ARHGAP28: variants seen among roughly 807,000 people sequenced by gnomAD.
ARHGAP28 encodes the protein Rho GTPase activating protein 28.
In ARHGAP28, 56 loss-of-function variants were observed where a neutral mutation model predicts 90.7. The observed-to-expected ratio is 0.62, with a 90% CI of 0.50 to 0.77. The LOEUF is 0.77. ARHGAP28 is among the 30% of genes least tolerant of loss of function. The probability of loss-of-function intolerance (pLI) is 0.00; values close to 1 mark genes in which losing one functional copy is unlikely to be tolerated. For synonymous variants in ARHGAP28, 308 were observed against 323.3 expected (o/e 0.95, Z 0.51); for missense variants, 869 against 900.9 (o/e 0.96, Z 0.45).
At chr18:6,894,393 C>CT (rs2057289864) in intron 14 of ARHGAP28, among the ~76,000 whole-genome samples, 1 of 152,192 alleles carries the variant, frequency 6.6e-6, no homozygotes, top group Admixed American at 6.5e-5. Context: ...AGTGTATGTT[C>CT]TTTCCCCTTT....
intron 1 of ARHGAP28, among the ~76,000 whole-genome samples, chr18:6,813,625 G>A (rs936847387): frequency 2.6e-5 from 4 of 152,034 alleles, no homozygotes; most frequent in African/African-American, 7.2e-5. Flanking sequence ...GGGACAAAAA[G>A]GATAATCTCT....
rs147242216 is a variant in ARHGAP28 at position 6,854,619 on chromosome 18, G to T, written c.636+3493G>T. Reference sequence around the variant, plus strand: ...CTGGAGCTGCCTCTGTGAAGACGCCGGCTACAGCAAGGGAGGTGCAGCCAG... The same window carrying T: ...CTGGAGCTGCCTCTGTGAAGACGCCTGCTACAGCAAGGGAGGTGCAGCCAG... On this transcript the variant is annotated intron_variant, in intron 4 of 17. Transcript: ENST00000383472. Among the ~76,000 whole-genome samples, 385 of 152,172 alleles carry T rather than the reference G, an allele frequency of 2.5e-3. 1 individual carries two copies. Among genetic ancestry groups the T allele is most frequent in the Non-Finnish European group, 2.5e-3 (167 of 68,002 alleles).
intron 2 of ARHGAP28, among the ~76,000 whole-genome samples, chr18:6,825,226 G>T (rs1245365148): frequency 6.6e-6 from 1 of 152,124 alleles, no homozygotes; most frequent in Non-Finnish European, 1.5e-5. Flanking sequence ...GCTACTTAGG[G>T]ATGCTGTGCC....
At position 6,890,548 on chromosome 18, in the gene ARHGAP28, G is replaced by T; in HGVS notation, c.1848+5G>T. 2 of 1,584,554 alleles carry T rather than the reference G, an allele frequency of 1.3e-6. No homozygotes were observed. The highest frequency in any genetic ancestry group is 1.7e-6 in the Non-Finnish European group (2 of 1,160,558). The stretch of plus-strand genomic sequence containing the variant: ...AGGAAGACCCTCGAGCGGGAGGTAA[G>T]ACAGCAAATGAGGCATGGCGATTGT... On this transcript the variant is annotated splice_donor_5th_base_variant and intron_variant, in intron 14 of 17. Transcript: ENST00000383472.
chr18:6,811,567 G>A (rs914702098), intron 1 of ARHGAP28, among the ~76,000 whole-genome samples: 21 of 152,220 alleles, frequency 1.4e-4, no homozygotes, highest in East Asian at 1.2e-3. Context: ...TTAACTAGTC[G>A]TGTTCACTGT....
At chr18:6,860,015 A>T (rs1309355628) in intron 5 of ARHGAP28, 118 bp downstream of exon 5, 6 of 868,092 alleles carry the variant, frequency 6.9e-6, no homozygotes, top group Non-Finnish European at 1.1e-5. Flanking sequence ...TTGAGCTAAG[A>T]TTGCAAGGAA....
At chr18:6,863,340 GT>G (rs1466508870) in intron 5 of ARHGAP28, among the ~76,000 whole-genome samples, 1 of 151,704 alleles carries the variant, frequency 6.6e-6, no homozygotes, top group Non-Finnish European at 1.5e-5. Flanking sequence ...TGAATGTAAT[GT>G]TTTCCTTCTT....
At position 6,850,806 on chromosome 18, in the gene ARHGAP28, G is replaced by A. The variant is rs1048275709; in HGVS notation, c.544-228G>A. 16 of 1,521,774 alleles carry A rather than the reference G, an allele frequency of 1.1e-5. No individual in the cohort carries two copies. In the Admixed American group the frequency reaches 2.7e-4, roughly 25 times the overall value. 94.3% of individuals were successfully genotyped at this position (1,521,774 alleles called of 1,614,324 possible). ...TGGGTTTTGGCAGGAAGCTAGCAGA[G>A]TTTGCTTCTGAGACGAATTCTGTTA... On this transcript the variant is annotated intron_variant, in intron 3 of 17. Coordinates refer to ENST00000383472, the MANE Select transcript of ARHGAP28 (RefSeq NM_001366230.1).
At chr18:6,819,923 T>C (rs1278147385) in intron 1 of ARHGAP28, among the ~76,000 whole-genome samples, 2 of 152,110 alleles carry the variant, frequency 1.3e-5, no homozygotes, top group African/African-American at 2.4e-5. Context: ...ATCTACCAAA[T>C]AGAGGAAAAG....
chr18:6,798,959 C>A (rs993336422), intron 1 of ARHGAP28, among the ~76,000 whole-genome samples: 1 of 152,176 alleles, frequency 6.6e-6, no homozygotes, highest in African/African-American at 2.4e-5. Context: ...AATCTAATGT[C>A]ATTTCTGATT....
intron 1 of ARHGAP28, among the ~76,000 whole-genome samples, chr18:6,765,811 C>G (rs952645863): frequency 6.6e-6 from 1 of 152,012 alleles, no homozygotes. Flanking sequence ...GGTTTGTTGT[C>G]GTTTTCTTAC....
chr18:6,867,625 T>G (rs1041591964), intron 5 of ARHGAP28, among the ~76,000 whole-genome samples: 3 of 152,120 alleles, frequency 2.0e-5, no homozygotes, highest in Non-Finnish European at 4.4e-5. Flanking sequence ...GAGGGGAAAT[T>G]GAATTAGAAA....
At position 6,912,193 on chromosome 18, in the gene ARHGAP28, A is replaced by G; in HGVS notation, c.*39A>G. 8.2e-7 allele frequency: 1 copy of G among 1,212,616 alleles called. No individual in the cohort carries two copies. Among genetic ancestry groups the G allele is most frequent in the Non-Finnish European group, 1.2e-6 (1 of 843,722 alleles). The allele number at this position is 1,212,616 out of a possible 1,614,324, so 75.1% of individuals were successfully genotyped here. A position where few individuals can be genotyped will look rare whatever the true frequency, so the allele number is the denominator to read the frequency against. The stretch of plus-strand genomic sequence containing the variant: ...GAGCTGCTATCATGTATTATATGCC[A>G]AAAAGATCCTACATTTTGGTAGGGA... On this transcript the variant is annotated 3_prime_UTR_variant, in exon 18 of 18. Transcript: ENST00000383472.
chr18:6,783,168 T>C lies in ARHGAP28; in HGVS notation c.123-41594T>C, dbSNP rs1384500327. ...CATCTTGTTTTTCTTTTATCTTTAA[T>C]GCTCCCCCTGCTTACCCACTTGGGG... On this transcript the variant is annotated intron_variant, in intron 1 of 17. Coordinates refer to ENST00000383472, the MANE Select transcript of ARHGAP28 (RefSeq NM_001366230.1). Among the ~76,000 whole-genome samples the C allele has an allele frequency of 3.3e-5, 5 of 152,216 alleles. No individual in the cohort carries two copies. In the East Asian group the frequency reaches 9.6e-4, roughly 29 times the overall value.
At chr18:6,763,817 G>A (rs1294520205) in intron 1 of ARHGAP28, among the ~76,000 whole-genome samples, 1 of 152,218 alleles carries the variant, frequency 6.6e-6, no homozygotes. Context: ...TACAGGAGCC[G>A]AAGTGCAGCG....
Position 6,870,622 on chromosome 18 carries a change from G to C in ARHGAP28, c.844G>C (p.Glu282Gln). ...TTTTCTGGAAAAGAACATTCCACCAGAGGCTGAAGAGCTGTCATTTGAAGT... is the reference window on the plus strand; with the variant it reads ...TTTTCTGGAAAAGAACATTCCACCACAGGCTGAAGAGCTGTCATTTGAAGT... Reference protein sequence around the residue: ...DDFLEKNIPPEAEELSFEVSY... With the variant: ...DDFLEKNIPPQAEELSFEVSY... The change falls in exon 7 of 18, where the codon GAG (glutamate) becomes CAG (glutamine). Residue 282 changes from glutamate (E) to glutamine (Q), a missense_variant. Physicochemically the swap from Glu to Gln is conservative, Grantham distance 29. Transcript: ENST00000383472. 6.2e-7 allele frequency: 1 copy of C among 1,612,880 alleles called. No homozygotes were observed. The highest frequency in any genetic ancestry group is 8.5e-7 in the Non-Finnish European group (1 of 1,179,338).
At chr18:6,848,828 A>G (rs2056886479) in intron 3 of ARHGAP28, among the ~76,000 whole-genome samples, 2 of 152,168 alleles carry the variant, frequency 1.3e-5, no homozygotes, top group African/African-American at 4.8e-5. Flanking sequence ...ACATGCAAAC[A>G]GAAGCATAAT....
chr18:6,870,844 AG>A (rs2057079523), intron 7 of ARHGAP28, 112 bp downstream of exon 7: 1 of 1,186,142 alleles, frequency 8.4e-7, no homozygotes. Context: ...CTATTGCCCC[AG>A]GCTGGAGTGC....
rs80276000 is a variant in ARHGAP28, at chr18:6,817,085, T to TA, written c.123-7662dup. Among the ~76,000 whole-genome samples the TA allele has an allele frequency of 2.2e-3, 285 of 130,166 alleles. 2 individuals are homozygous for TA. The highest frequency in any genetic ancestry group is 4.8e-3 in the African/African-American group (170 of 35,454). 85.4% of individuals were successfully genotyped at this position (130,166 alleles called of 152,430 possible). On this transcript the variant is annotated intron_variant, in intron 1 of 17. Coordinates refer to ENST00000383472, the MANE Select transcript of ARHGAP28 (RefSeq NM_001366230.1). The stretch of plus-strand genomic sequence containing the variant: ...AGCCTGGGTGGCAGAGACCCTGTCT[T>TA]AAAAAAAAAAAAAAAGTCAGGAGTT...
Sources: gnomAD v4.1 joint callset for allele counts (sites outside exome capture counted in the v4.1 genomes callset) on GRCh38, gnomAD v4.1.1 for gene constraint, MANE v1.5 for transcripts, NCBI Gene and HGNC (gene_info 2026-07-23, HGNC 2026-07-21) for gene names.